Variants in TLE4 observed in about 807,000 individuals in gnomAD.
TLE4 encodes transducin-like enhancer protein 4.
Under a neutral mutation model 92.8 loss-of-function variants are expected in TLE4, and 8 were observed. The observed-to-expected ratio is 0.09, with a 90% CI of 0.05 to 0.16. The LOEUF (loss-of-function observed/expected upper bound fraction) is 0.16, where lower values mean the gene tolerates loss of function less well. Ranked by LOEUF, TLE4 falls within the 10% of genes least tolerant of loss-of-function variation. The pLI is 1.00. For synonymous variants in TLE4, 371 were observed against 374.1 expected (o/e 0.99, Z 0.10); for missense variants, 675 against 997.6 (o/e 0.68, Z 4.36).
At position 79,725,526 on chromosome 9, in the gene TLE4, TCC is replaced by T. The variant is rs912224685; in HGVS notation, c.*388_*389del. 2 of 162,538 alleles carry T rather than the reference TCC, an allele frequency of 1.2e-5. No homozygotes were observed. The highest frequency in any genetic ancestry group is 2.7e-5 in the Non-Finnish European group (2 of 74,462). 10.1% of individuals were successfully genotyped at this position (162,538 alleles called of 1,614,324 possible). ...GAAGGTGCGTTGTATTTGATACCCC[TCC>T]CCCCCTTTTTTTGGCAAAGGAGGGG... is the stretch of plus-strand genomic sequence containing the variant. On this transcript the variant is annotated 3_prime_UTR_variant, in exon 20 of 20. Coordinates refer to ENST00000376552, the MANE Select transcript of TLE4 (RefSeq NM_007005.6).
rs966276169 is a variant in TLE4 at position 79,686,898 on chromosome 9, G to A, written c.610-17885G>A. Among the ~76,000 whole-genome samples, 7 of 152,306 alleles carry A rather than the reference G, an allele frequency of 4.6e-5. No homozygotes were observed. In the East Asian group the frequency reaches 9.7e-4, roughly 21 times the overall value. ...TTTCATCATCAGTGAAGTACTTGCT[G>A]TATGATGCTAAATCCAGTGAGCATC... On this transcript the variant is annotated intron_variant, in intron 8 of 19. Coordinates refer to ENST00000376552, the MANE Select transcript of TLE4 (RefSeq NM_007005.6).
chr9:79,686,589 A>T (rs1044824951), intron 8 of TLE4, among the ~76,000 whole-genome samples: 2 of 152,190 alleles, frequency 1.3e-5, no homozygotes, highest in Admixed American at 1.3e-4. Flanking sequence ...AAGGAAGGCC[A>T]TGAGAAAGCA....
chr9:79,679,306 G>A (rs563711359), intron 8 of TLE4, among the ~76,000 whole-genome samples: 106 of 152,132 alleles, frequency 7.0e-4, no homozygotes, highest in Middle Eastern at 6.8e-3. Context: ...TTTAATGATC[G>A]CCATTCTAAC....
chr9:79,584,593 G>A lies in TLE4; in HGVS notation c.252+8416G>A, dbSNP rs372304615. On this transcript the variant is annotated intron_variant, in intron 4 of 19. Coordinates refer to ENST00000376552, the MANE Select transcript of TLE4 (RefSeq NM_007005.6). ...TGTTGAGCCCTGTGCCTATCGCATA[G>A]TAGATGCTGGTGCGCAATAAAATAT... 6.2e-4 allele frequency among the ~76,000 whole-genome samples: 95 copies of A among 152,298 alleles called. 1 individual carries two copies. In the South Asian group the frequency reaches 9.3e-3, roughly 15 times the overall value.
At chr9:79,618,388 C>G (rs375859510) in intron 5 of TLE4, among the ~76,000 whole-genome samples, 19 of 152,072 alleles carry the variant, frequency 1.2e-4, no homozygotes, top group African/African-American at 4.3e-4. Flanking sequence ...GAAGAGTCAC[C>G]CATCAGGTAT....
chr9:79,621,708 G>A (rs1194979866), intron 5 of TLE4, among the ~76,000 whole-genome samples: 3 of 152,108 alleles, frequency 2.0e-5, no homozygotes, highest in Non-Finnish European at 2.9e-5. Context: ...AGAAATTTGC[G>A]TGCTTTTGGT....
chr9:79,701,875 G>A (rs535389751), intron 8 of TLE4, among the ~76,000 whole-genome samples: 1 of 152,328 alleles, frequency 6.6e-6, no homozygotes, highest in African/African-American at 2.4e-5. Flanking sequence ...GGAACCCACA[G>A]CCTAAAGTGG....
intron 8 of TLE4, among the ~76,000 whole-genome samples, chr9:79,670,238 A>G (rs2062070079): frequency 6.6e-6 from 1 of 152,120 alleles, no homozygotes; most frequent in African/African-American, 2.4e-5. Context: ...ACAATAAGGC[A>G]AGAAGTTTAT....
intron 14 of TLE4, among the ~76,000 whole-genome samples, chr9:79,716,537 A>G (rs2074527591): frequency 6.6e-6 from 1 of 152,176 alleles, no homozygotes; most frequent in Non-Finnish European, 1.5e-5. Flanking sequence ...AGTATTGTTC[A>G]CCTGATTCCC....
chr9:79,609,226 C>T (rs1222824569), intron 4 of TLE4, among the ~76,000 whole-genome samples: 5 of 152,012 alleles, frequency 3.3e-5, no homozygotes, highest in Non-Finnish European at 7.4e-5. Flanking sequence ...TTTCCTGTTT[C>T]GTTACTACCT....
At chr9:79,582,696 G>A (rs1317883850) in intron 4 of TLE4, among the ~76,000 whole-genome samples, 1 of 146,466 alleles carries the variant, frequency 6.8e-6, no homozygotes, top group Non-Finnish European at 1.5e-5. Flanking sequence ...ACCACTTCTG[G>A]ACAGCAATAA....
chr9:79,574,504 C>G (rs571992695), intron 2 of TLE4, among the ~76,000 whole-genome samples: 1 of 152,156 alleles, frequency 6.6e-6, no homozygotes, highest in East Asian at 1.9e-4. Flanking sequence ...TCCCTTGTGA[C>G]GTTTTGGAGG....
At chr9:79,670,352 A>G (rs984409671) in intron 8 of TLE4, among the ~76,000 whole-genome samples, 9 of 152,174 alleles carry the variant, frequency 5.9e-5, no homozygotes, top group African/African-American at 2.2e-4. Flanking sequence ...AGGCTCACAA[A>G]TGAAAAGAAT....
In TLE4 at chr9:79,680,940, C is replaced by T. The variant is rs187473189; in HGVS notation, c.610-23843C>T. Among the ~76,000 whole-genome samples, 1,208 of 152,138 alleles carry T rather than the reference C, an allele frequency of 7.9e-3. 11 individuals are homozygous for T. The highest frequency in any genetic ancestry group is 0.027 in the Middle Eastern group (8 of 294). On this transcript the variant is annotated intron_variant, in intron 8 of 19. Transcript: ENST00000376552. The stretch of plus-strand genomic sequence containing the variant: ...ATGCTGGATTACATTTATTGATTTG[C>T]GTTTGTTGAACCAGCCTTGCATCCC...
rs73652223 is a variant in TLE4 at position 79,647,478 on chromosome 9, A to G, written c.391-5115A>G. 1.8e-3 allele frequency among the ~76,000 whole-genome samples: 272 copies of G among 152,318 alleles called. 1 individual carries two copies. The highest frequency in any genetic ancestry group is 6.3e-3 in the African/African-American group (263 of 41,578). ...TTCTGTATGTTCGATCACTAAAAAT[A>G]TCAGTTTTACTCATTTTAGATTATT... On this transcript the variant is annotated intron_variant, in intron 6 of 19. Coordinates refer to ENST00000376552, the MANE Select transcript of TLE4 (RefSeq NM_007005.6).
chr9:79,591,166 G>A (rs1587791223), intron 4 of TLE4, among the ~76,000 whole-genome samples: 2 of 152,198 alleles, frequency 1.3e-5, no homozygotes, highest in East Asian at 3.9e-4. Context: ...AAAATATAAA[G>A]CAGTGCAGTG....
At chr9:79,671,320 GTGT>G (rs2062301043) in intron 8 of TLE4, 1 of 454,456 alleles carries the variant, frequency 2.2e-6, no homozygotes. Context: ...TGCCATGCTA[GTGT>G]TGTGTGCTTC....
At chr9:79,574,297 T>C (rs2131829714) in intron 2 of TLE4, 1 of 152,496 alleles carries the variant, frequency 6.6e-6, no homozygotes, top group Admixed American at 6.5e-5. Context: ...TTTCTTTAGC[T>C]GGCTTTTTAA....
At chr9:79,636,335 A>T (rs1002063229) in intron 6 of TLE4, among the ~76,000 whole-genome samples, 1 of 152,166 alleles carries the variant, frequency 6.6e-6, no homozygotes, top group Non-Finnish European at 1.5e-5. Flanking sequence ...GGAAAACCTG[A>T]TGGCTGCCCC....
Sources: gnomAD v4.1 joint callset for allele counts (sites outside exome capture counted in the v4.1 genomes callset) on GRCh38, gnomAD v4.1.1 for gene constraint, MANE v1.5 for transcripts, NCBI Gene and HGNC (gene_info 2026-07-23, HGNC 2026-07-21) for gene names.